Variants in TET1 observed in about 807,000 individuals in gnomAD.
TET1 encodes the protein tet methylcytosine dioxygenase 1.
A neutral mutation model predicts 148.7 loss-of-function variants in TET1; 13 were observed. That is an observed-to-expected ratio of 0.09 (90% CI 0.06 to 0.14). TET1 has a LOEUF of 0.14. TET1 is among the 10% of genes least tolerant of loss of function. The pLI is 1.00. For synonymous variants in TET1, 907 were observed against 937.2 expected (o/e 0.97, Z 0.59); for missense variants, 2,182 against 2,553.8 (o/e 0.85, Z 3.14).
At chr10:68,624,670 C>G (rs199568289) in intron 3 of TET1, among the ~76,000 whole-genome samples, 1 of 84,168 alleles carries the variant, frequency 1.2e-5, no homozygotes, top group South Asian at 4.9e-4. Context: ...CTCTCTCTCT[C>G]TCTCTCTCTC....
intron 3 of TET1, among the ~76,000 whole-genome samples, chr10:68,618,735 C>G (rs371065829): frequency 2.6e-5 from 4 of 152,056 alleles, no homozygotes; most frequent in African/African-American, 9.7e-5. Context: ...ACTGATAATC[C>G]AAGGGCAACA....
chr10:68,587,130 C>T (rs186401977), intron 2 of TET1, among the ~76,000 whole-genome samples: 11 of 152,218 alleles, frequency 7.2e-5, no homozygotes, highest in East Asian at 1.9e-4. Context: ...ATGACTATGC[C>T]GCAGTTATTT....
chr10:68,607,405 TAA>T (rs2054139698), intron 3 of TET1, among the ~76,000 whole-genome samples: 1 of 116,952 alleles, frequency 8.6e-6, no homozygotes, highest in Non-Finnish European at 2.0e-5. Flanking sequence ...GTTTGGATCT[TAA>T]GTTTTTTTTT....
chr10:68,672,294 GC>G, intron 7 of TET1, among the ~76,000 whole-genome samples: 1 of 151,498 alleles, frequency 6.6e-6, no homozygotes, highest in South Asian at 2.1e-4. Flanking sequence ...TTTGAGACCA[GC>G]CTGGCCAACC....
At chr10:68,582,256 C>T (rs1457078578) in intron 2 of TET1, among the ~76,000 whole-genome samples, 2 of 152,122 alleles carry the variant, frequency 1.3e-5, no homozygotes, top group African/African-American at 2.4e-5. Context: ...TGCACCACTA[C>T]GCCTGGCTAA....
At chr10:68,612,816 G>T (rs2664424) in intron 3 of TET1, among the ~76,000 whole-genome samples, 1 of 151,914 alleles carries the variant, frequency 6.6e-6, no homozygotes, top group Admixed American at 6.6e-5. Flanking sequence ...CGGGTTTACA[G>T]CATGTTGCCC....
intron 3 of TET1, among the ~76,000 whole-genome samples, chr10:68,633,036 TA>T (rs2054599796): frequency 6.6e-6 from 1 of 151,926 alleles, no homozygotes; most frequent in East Asian, 1.9e-4. Context: ...ATACAAAAAT[TA>T]GCTGGGCGTG....
At chr10:68,637,868 CAAA>C (rs1288080594) in intron 3 of TET1, among the ~76,000 whole-genome samples, 1 of 125,996 alleles carries the variant, frequency 7.9e-6, no homozygotes. Context: ...GACTCCGTCT[CAAA>C]AAAAAAAAAA....
chr10:68,682,216 A>C (rs1022888469), intron 9 of TET1, among the ~76,000 whole-genome samples: 1 of 145,880 alleles, frequency 6.9e-6, no homozygotes, highest in Non-Finnish European at 1.5e-5. Flanking sequence ...GGTTCAAGCA[A>C]TTCTCCTGCC....
intron 7 of TET1, among the ~76,000 whole-genome samples, chr10:68,671,534 G>A (rs192314646): frequency 6.6e-6 from 1 of 152,202 alleles, no homozygotes; most frequent in African/African-American, 2.4e-5. Context: ...CTTTATGGTA[G>A]AACGATTTAT....
intron 3 of TET1, among the ~76,000 whole-genome samples, chr10:68,642,845 T>A (rs2054779348): frequency 6.6e-6 from 1 of 152,206 alleles, no homozygotes; most frequent in Non-Finnish European, 1.5e-5. Flanking sequence ...TCTCAGGTGA[T>A]CTGCTTGTCT....
chr10:68,585,007 T>TGTTTTGCTTTGTTCGAGTCAGA (rs2053845304), intron 2 of TET1, among the ~76,000 whole-genome samples: 1 of 151,614 alleles, frequency 6.6e-6, no homozygotes, highest in South Asian at 2.1e-4. Flanking sequence ...GTTTTTGTTT[T>TGTTTTGCTTTGTTCGAGTCAGA]GTTTTGCTTT....
chr10:68,672,182 A>G (rs2055280979), intron 7 of TET1, among the ~76,000 whole-genome samples: 1 of 152,126 alleles, frequency 6.6e-6, no homozygotes, highest in South Asian at 2.1e-4. Flanking sequence ...GAACAAATCC[A>G]GGATTTAAAA....
chr10:68,691,090 C>A lies in TET1; in HGVS notation c.5687C>A (p.Ala1896Asp). The change falls in exon 12 of 12, where the codon GCT (alanine) becomes GAT (aspartate). Residue 1896 changes from alanine to aspartate, a missense_variant. Physicochemically the swap from Ala to Asp is moderately radical, Grantham distance 126. Transcript: ENST00000373644. The surrounding 1 kb of genome is among the most constrained non-coding windows in gnomAD (Gnocchi z 4.4). ...CTCAGTGGTGCCAATGCAGCTGCTG[C>A]TGATGGCCCTGGCATTTCACAGCTT... ...GRLSGANAAA[A>D]DGPGISQLGE... 6.2e-7 allele frequency: 1 copy of A among 1,614,230 alleles called. No homozygotes were observed.
At chr10:68,666,341 A>C (rs2055195257) in intron 6 of TET1, among the ~76,000 whole-genome samples, 1 of 152,176 alleles carries the variant, frequency 6.6e-6, no homozygotes, top group Non-Finnish European at 1.5e-5. Context: ...AATCATAGAA[A>C]CCACAGAGGC....
chr10:68,632,117 C>A (rs557931301), intron 3 of TET1, among the ~76,000 whole-genome samples: 38 of 151,914 alleles, frequency 2.5e-4, no homozygotes, highest in Admixed American at 1.6e-3. Flanking sequence ...GATGTCAGAT[C>A]GAGACCATCG....
At chr10:68,600,462 G>C (rs534419504) in intron 2 of TET1, among the ~76,000 whole-genome samples, 1 of 152,318 alleles carries the variant, frequency 6.6e-6, no homozygotes, top group Admixed American at 6.5e-5. Flanking sequence ...TGAGAGCCGA[G>C]CCGCACAGGA....
intron 7 of TET1, 124 bp from the exon 8 acceptor site, chr10:68,672,771 A>G (rs1169781045): frequency 3.0e-6 from 2 of 659,710 alleles, no homozygotes; most frequent in South Asian, 4.5e-5. Context: ...AAGTAATATA[A>G]TAGATAAGTG....
rs186718783 is a variant in TET1, at chr10:68,692,495, G to A, written c.*681G>A. 2 of 232,130 alleles carry A rather than the reference G, an allele frequency of 8.6e-6. No homozygotes were observed. The highest frequency in any genetic ancestry group is 2.2e-5 in the African/African-American group (1 of 45,390). 14.4% of individuals were successfully genotyped at this position (232,130 alleles called of 1,614,324 possible). The stretch of plus-strand genomic sequence containing the variant: ...TAGTATAAGAATCCTATTGTCTATT[G>A]TTTGTGCATATTTGCATACAAGAGA... On this transcript the variant is annotated 3_prime_UTR_variant, in exon 12 of 12. Transcript: ENST00000373644.
Sources: allele counts gnomAD v4.1 joint callset (sites outside exome capture counted in the v4.1 genomes callset), GRCh38; gene constraint gnomAD v4.1.1; non-coding constraint Gnocchi (gnomAD v3.1); transcripts MANE v1.5; gene names NCBI Gene and HGNC (gene_info 2026-07-23, HGNC 2026-07-21).